TRAPPC3L: variants seen among roughly 807,000 people sequenced by gnomAD.
TRAPPC3L encodes trafficking protein particle complex subunit 3-like protein.
Under a neutral mutation model 23.7 loss-of-function variants are expected in TRAPPC3L, and 23 were observed. That is an observed-to-expected ratio of 0.97 (90% CI 0.70 to 1.37). TRAPPC3L has a LOEUF of 1.37. Ranked by LOEUF, TRAPPC3L falls within the 40% of genes most tolerant of loss-of-function variation. The probability of loss-of-function intolerance (pLI) is 0.00; values close to 1 mark genes in which losing one functional copy is unlikely to be tolerated. For missense variants in TRAPPC3L, 212 were observed against 216.8 expected (o/e 0.98, Z 0.14); for synonymous variants, 81 against 77.9 (o/e 1.04, Z -0.21).
At chr6:116,544,254 C>G (rs1428226815) in intron 1 of TRAPPC3L, among the ~76,000 whole-genome samples, 1 of 151,684 alleles carries the variant, frequency 6.6e-6, no homozygotes, top group Non-Finnish European at 1.5e-5. Flanking sequence ...AAATCATACC[C>G]TACCTACATG....
At chr6:116,509,245 A>T (rs891714999) in intron 3 of TRAPPC3L, among the ~76,000 whole-genome samples, 1 of 152,200 alleles carries the variant, frequency 6.6e-6, no homozygotes, top group African/African-American at 2.4e-5. Context: ...GGAAGAATCA[A>T]TATTGTGAAA....
chr6:116,498,044 CA>C (rs1771858913), intron 4 of TRAPPC3L, among the ~76,000 whole-genome samples: 1 of 152,200 alleles, frequency 6.6e-6, no homozygotes, highest in Admixed American at 6.5e-5. Flanking sequence ...CTTGGAAATA[CA>C]GAAGCAACAT....
intron 3 of TRAPPC3L, among the ~76,000 whole-genome samples, chr6:116,505,849 C>G (rs1771996100): frequency 6.6e-6 from 1 of 152,306 alleles, no homozygotes; most frequent in Non-Finnish European, 1.5e-5. Context: ...CTTCCTTACA[C>G]CTTATACAAA....
intron 3 of TRAPPC3L, chr6:116,516,120 A>G: frequency 8.0e-7 from 1 of 1,245,514 alleles, no homozygotes; most frequent in Non-Finnish European, 1.1e-6. Flanking sequence ...CAATAACACA[A>G]AGGAAACTGC....
At chr6:116,500,386 T>C (rs1034652461) in intron 4 of TRAPPC3L, 95 bp downstream of exon 4, 9 of 1,172,088 alleles carry the variant, frequency 7.7e-6, no homozygotes, top group Non-Finnish European at 1.1e-5. Context: ...ATAACCAATA[T>C]ACCCAGCAAA....
At chr6:116,541,710 G>A (rs1270627269) in intron 2 of TRAPPC3L, among the ~76,000 whole-genome samples, 1 of 152,174 alleles carries the variant, frequency 6.6e-6, no homozygotes, top group Non-Finnish European at 1.5e-5. Context: ...AGAAATAGTT[G>A]TATCAGGATT....
intron 3 of TRAPPC3L, chr6:116,522,073 T>C (rs1487766102): frequency 6.6e-6 from 1 of 152,218 alleles, no homozygotes; most frequent in African/African-American, 2.4e-5. Context: ...TTGTCTCAGA[T>C]ATTCTAGCTT....
chr6:116,502,724 C>A (rs574508718), intron 3 of TRAPPC3L, among the ~76,000 whole-genome samples: 2 of 152,358 alleles, frequency 1.3e-5, no homozygotes, highest in Non-Finnish European at 2.9e-5. Flanking sequence ...CAATATTCAA[C>A]ATTCCTAAAG....
At chr6:116,545,345 C>A in intron 1 of TRAPPC3L, 128 bp downstream of exon 1, 2 of 644,798 alleles carry the variant, frequency 3.1e-6, no homozygotes, top group Admixed American at 3.2e-5. Flanking sequence ...ATTTATGATT[C>A]ACTTCGCTGA....
chr6:116,512,191 T>C, intron 3 of TRAPPC3L: 3 of 1,608,618 alleles, frequency 1.9e-6, no homozygotes, highest in Non-Finnish European at 2.5e-6. Context: ...GCATGCTACC[T>C]ACCGTCAATG....
chr6:116,520,104 C>T (rs771246396), intron 3 of TRAPPC3L: 4 of 152,046 alleles, frequency 2.6e-5, no homozygotes, highest in Non-Finnish European at 5.9e-5. Context: ...ACCTTTAAAG[C>T]ATCACTAAAA....
chr6:116,515,929 A>G, intron 3 of TRAPPC3L: 2 of 1,613,518 alleles, frequency 1.2e-6, no homozygotes, highest in Non-Finnish European at 1.7e-6. Flanking sequence ...ATGGTCTGCA[A>G]CTTAGCCCTG....
At chr6:116,534,210 T>C (rs1228640661) in intron 3 of TRAPPC3L, among the ~76,000 whole-genome samples, 1 of 152,202 alleles carries the variant, frequency 6.6e-6, no homozygotes, top group East Asian at 1.9e-4. Flanking sequence ...TCCTGTCTCC[T>C]GACTGAAACC....
intron 3 of TRAPPC3L, chr6:116,522,733 C>T (rs1350998470): frequency 1.3e-5 from 2 of 152,130 alleles, no homozygotes; most frequent in African/African-American, 2.4e-5. Context: ...ACTAGGCTGG[C>T]CTTCAGTAAG....
At chr6:116,499,082 A>C (rs1771873977) in intron 4 of TRAPPC3L, among the ~76,000 whole-genome samples, 1 of 152,026 alleles carries the variant, frequency 6.6e-6, no homozygotes, top group African/African-American at 2.4e-5. Flanking sequence ...CGAACTCCTC[A>C]CTTTGTCTCT....
At chr6:116,523,583 C>A (rs1772385484) in intron 3 of TRAPPC3L, 1 of 152,100 alleles carries the variant, frequency 6.6e-6, no homozygotes, top group Admixed American at 6.6e-5. Context: ...TAGGTGAAAG[C>A]AGAATGGGGT....
rs373161259 is a variant in TRAPPC3L, at chr6:116,527,215, A to T, written c.240+13148T>A. On this transcript the variant is annotated intron_variant, in intron 3 of 4. Coordinates refer to ENST00000368602, the MANE Select transcript of TRAPPC3L (RefSeq NM_001139444.3). The stretch of plus-strand genomic sequence containing the variant: ...TAAGTGTTCAACTCCTTGGGTCTCC[A>T]TTTCTTTATTAAAGATTCCCGGCCC... Among the ~76,000 whole-genome samples the T allele has an allele frequency of 4.6e-5, 7 of 152,212 alleles. No homozygotes were observed. In the East Asian group the frequency reaches 1.2e-3, roughly 25 times the overall value.
chr6:116,541,217 C>T (rs1167189776), intron 2 of TRAPPC3L, among the ~76,000 whole-genome samples: 4 of 152,010 alleles, frequency 2.6e-5, no homozygotes, highest in Non-Finnish European at 5.9e-5. Flanking sequence ...ACAAGATAAA[C>T]TGAAAAACGA....
At chr6:116,512,477 C>A in intron 3 of TRAPPC3L, 2 of 491,894 alleles carry the variant, frequency 4.1e-6, no homozygotes, top group South Asian at 3.4e-5. Flanking sequence ...ACTGGATTGT[C>A]CACATATAAA....
Sources: allele counts gnomAD v4.1 joint callset (sites outside exome capture counted in the v4.1 genomes callset), GRCh38; gene constraint gnomAD v4.1.1; transcripts MANE v1.5; gene names NCBI Gene and HGNC (gene_info 2026-07-23, HGNC 2026-07-21).